The following LMO7 variants were observed in gnomAD, a reference collection of about 807,000 sequenced individuals.
LMO7 encodes LIM domain 7, also known as LIM domain only protein 7.
LMO7 carries 120 observed loss-of-function variants against 206.5 expected under a neutral mutation model. The ratio of observed to expected loss-of-function variants is 0.58; its 90% CI spans 0.50 to 0.68. The LOEUF is 0.68. Ranked by LOEUF, LMO7 falls within the 30% of genes least tolerant of loss-of-function variation. The pLI, the probability that LMO7 is intolerant of heterozygous loss-of-function variation, is 0.00. For missense variants in LMO7, 1,959 were observed against 1,957.9 expected (o/e 1.00, Z -0.01); for synonymous variants, 706 against 681.5 (o/e 1.04, Z -0.56).
At chr13:75,772,981 T>G (rs1057408144) in intron 4 of LMO7, among the ~76,000 whole-genome samples, 2 of 152,036 alleles carry the variant, frequency 1.3e-5, no homozygotes, top group African/African-American at 4.8e-5. Flanking sequence ...AACAAGGGTT[T>G]AGATAATAAA....
At chr13:75,720,323 A>G (rs74703890) in intron 2 of LMO7, among the ~76,000 whole-genome samples, 11 of 152,248 alleles carry the variant, frequency 7.2e-5, no homozygotes, top group African/African-American at 2.6e-4. Context: ...CAAAGCAGAT[A>G]TTTTTAATTT....
chr13:75,648,537 C>T (rs2037262053), intron 1 of LMO7, among the ~76,000 whole-genome samples: 1 of 152,180 alleles, frequency 6.6e-6, no homozygotes, highest in Non-Finnish European at 1.5e-5. Flanking sequence ...TCCTGTTGTG[C>T]TATTGGCTGT....
intron 22 of LMO7, 104 bp downstream of exon 22, chr13:75,840,599 C>T: frequency 7.6e-7 from 1 of 1,319,806 alleles, no homozygotes; most frequent in Non-Finnish European, 1.0e-6. Context: ...GCAACAATCT[C>T]ACAACTAACA....
At chr13:75,780,818 GTTC>G (rs2051217071) in intron 4 of LMO7, among the ~76,000 whole-genome samples, 2 of 152,178 alleles carry the variant, frequency 1.3e-5, no homozygotes, top group African/African-American at 4.8e-5. Context: ...CACAATTTAT[GTTC>G]TTCTGCCGTG....
chr13:75,827,035 C>A (rs574519511), intron 15 of LMO7, among the ~76,000 whole-genome samples: 4 of 152,238 alleles, frequency 2.6e-5, no homozygotes, highest in Non-Finnish European at 5.9e-5. Flanking sequence ...CATGATGTCA[C>A]CCCTCCCCCA....
intron 15 of LMO7, among the ~76,000 whole-genome samples, chr13:75,828,109 A>G (rs893387566): frequency 6.6e-6 from 1 of 152,148 alleles, no homozygotes; most frequent in African/African-American, 2.4e-5. Flanking sequence ...ATTAAATGGG[A>G]TTTTCTTTAA....
rs192980942 is a variant in LMO7, at chr13:75,843,763, G to A, written c.4097+847G>A. Among the ~76,000 whole-genome samples the A allele has an allele frequency of 4.6e-5, 7 of 152,316 alleles. No homozygotes were observed. The South Asian group carries it at 6.2e-4, about 14-fold the overall frequency. The stretch of plus-strand genomic sequence containing the variant: ...ATCACTAAGGACTTCTAAACAGTCT[G>A]TCAAACAAATATTGAGGGTAGGGCC... On this transcript the variant is annotated intron_variant, in intron 25 of 30. Transcript: ENST00000377534.
At chr13:75,684,129 T>G (rs1229915106) in intron 1 of LMO7, among the ~76,000 whole-genome samples, 1 of 152,162 alleles carries the variant, frequency 6.6e-6, no homozygotes, top group Non-Finnish European at 1.5e-5. Flanking sequence ...GCAATGCCCT[T>G]GGCTGAGGGA....
intron 3 of LMO7, among the ~76,000 whole-genome samples, chr13:75,738,458 T>C (rs2046139002): frequency 1.3e-5 from 2 of 152,238 alleles, no homozygotes; most frequent in African/African-American, 2.4e-5. Context: ...AATTATTTTT[T>C]CTTTGGGAGG....
chr13:75,708,080 T>C (rs1403036367), intron 1 of LMO7, among the ~76,000 whole-genome samples: 6 of 152,042 alleles, frequency 3.9e-5, no homozygotes, highest in African/African-American at 1.4e-4. Flanking sequence ...ATTGTCAGAG[T>C]GGTAACTTCA....
rs2060990406 is a variant in LMO7, at chr13:75,856,697, C to T, written c.4873+89C>T. ...TTCCCTGAACCTGCAGCGAGCTCCC[C>T]TCCAAGTTCACTGCCATAGGATTCC... On this transcript the variant is annotated intron_variant, in intron 30 of 30. Transcript: ENST00000377534. The T allele has an allele frequency of 3.9e-6, 3 of 775,344 alleles. No individual in the cohort carries two copies. In the African/African-American group the frequency reaches 5.1e-5, roughly 13 times the overall value. The allele number at this position is 775,344 out of a possible 1,614,324, so 48.0% of individuals were successfully genotyped here. A position where few individuals can be genotyped will look rare whatever the true frequency, so the allele number is the denominator to read the frequency against.
intron 1 of LMO7, among the ~76,000 whole-genome samples, chr13:75,649,425 AGAGAGTAG>A (rs1369997441): frequency 6.6e-6 from 1 of 152,090 alleles, no homozygotes; most frequent in Non-Finnish European, 1.5e-5. Context: ...AGATAAGTAG[AGAGAGTAG>A]GATTATGAAT....
Position 75,834,209 on chromosome 13 carries a change from T to C in LMO7, c.3065-17T>C. The C allele has an allele frequency of 6.4e-7, 1 of 1,555,978 alleles. No homozygotes were observed. Among genetic ancestry groups the C allele is most frequent in the Non-Finnish European group, 8.7e-7 (1 of 1,149,024 alleles). On this transcript the variant is annotated splice_polypyrimidine_tract_variant and intron_variant, in intron 16 of 30. Transcript: ENST00000377534. ...GGATTTTTTTCCCCAATTGGTTAAT[T>C]TATTTTGCATTTTTAGGTAGCCCAG...
intron 1 of LMO7, among the ~76,000 whole-genome samples, chr13:75,700,177 T>G (rs2042189499): frequency 6.6e-6 from 1 of 152,230 alleles, no homozygotes; most frequent in South Asian, 2.1e-4. Flanking sequence ...ACACATGTTT[T>G]ACAAACAATT....
At chr13:75,763,348 T>C (rs2048433740) in intron 4 of LMO7, among the ~76,000 whole-genome samples, 1 of 152,164 alleles carries the variant, frequency 6.6e-6, no homozygotes, top group Non-Finnish European at 1.5e-5. Context: ...ATTTAGAATT[T>C]CTTGTTTATT....
intron 3 of LMO7, among the ~76,000 whole-genome samples, chr13:75,754,903 T>G (rs988922480): frequency 1.3e-5 from 2 of 152,218 alleles, no homozygotes; most frequent in African/African-American, 4.8e-5. Flanking sequence ...GGATTTATAA[T>G]GGAAATAGAG....
intron 4 of LMO7, among the ~76,000 whole-genome samples, chr13:75,761,732 T>C (rs2048249296): frequency 6.6e-6 from 1 of 152,170 alleles, no homozygotes; most frequent in Non-Finnish European, 1.5e-5. Context: ...ATAAATCTAA[T>C]TTGCTTCCAG....
At chr13:75,831,985 A>C (rs1390216607) in intron 15 of LMO7, among the ~76,000 whole-genome samples, 1 of 152,142 alleles carries the variant, frequency 6.6e-6, no homozygotes, top group African/African-American at 2.4e-5. Flanking sequence ...GTGCCCAATT[A>C]GTTCCTGGGT....
chr13:75,651,637 A>G (rs1202102059), intron 1 of LMO7, among the ~76,000 whole-genome samples: 1 of 152,178 alleles, frequency 6.6e-6, no homozygotes, highest in Non-Finnish European at 1.5e-5. Context: ...CTCGTTATTC[A>G]GTTTAGTTAC....
Sources: gnomAD v4.1 joint callset for allele counts (sites outside exome capture counted in the v4.1 genomes callset) on GRCh38, gnomAD v4.1.1 for gene constraint, MANE v1.5 for transcripts, NCBI Gene and HGNC (gene_info 2026-07-23, HGNC 2026-07-21) for gene names.